XKR6: variants seen among roughly 807,000 people sequenced by gnomAD.
XKR6 encodes the protein XK related 6, also known as XK-related protein 6.
A neutral mutation model predicts 56.7 loss-of-function variants in XKR6; 22 were observed. The ratio of observed to expected loss-of-function variants is 0.39; its 90% CI spans 0.28 to 0.55. The LOEUF (loss-of-function observed/expected upper bound fraction) is 0.55, where lower values mean the gene tolerates loss of function less well. Among genes scored for constraint, XKR6 ranks in the 20% least tolerant of loss-of-function variants. The pLI, the probability that XKR6 is intolerant of heterozygous loss-of-function variation, is 0.66. For missense variants in XKR6, 852 were observed against 889.0 expected (o/e 0.96, Z 0.53); for synonymous variants, 524 against 387.8 (o/e 1.35, Z -4.13).
chr8:11,145,305 T>A (rs907784464), intron 1 of XKR6, among the ~76,000 whole-genome samples: 64 of 152,208 alleles, frequency 4.2e-4, no homozygotes, highest in African/African-American at 1.4e-3. Flanking sequence ...ATGTTTCAGA[T>A]AAGGAGGACT....
intron 1 of XKR6, 78 bp from the exon 2 acceptor site, chr8:10,924,908 A>T (rs1800834804): frequency 6.9e-7 from 1 of 1,457,358 alleles, no homozygotes; most frequent in Non-Finnish European, 9.3e-7. Context: ...ATCCCCCTAA[A>T]ACCAAGAGAC....
intron 1 of XKR6, among the ~76,000 whole-genome samples, chr8:11,056,992 C>A (rs1169959893): frequency 6.6e-6 from 1 of 152,228 alleles, no homozygotes; most frequent in African/African-American, 2.4e-5. Context: ...CAGCCCACGT[C>A]TGACGCCTTG....
chr8:10,900,473 G>A (rs1400647154), intron 2 of XKR6, among the ~76,000 whole-genome samples: 2 of 152,200 alleles, frequency 1.3e-5, no homozygotes, highest in African/African-American at 4.8e-5. Context: ...CTAGCTTGCA[G>A]AACAGTATGG....
At chr8:11,126,430 T>G (rs564957084) in intron 1 of XKR6, among the ~76,000 whole-genome samples, 1 of 152,326 alleles carries the variant, frequency 6.6e-6, no homozygotes, top group Non-Finnish European at 1.5e-5. Flanking sequence ...CATTTTATCT[T>G]GTTTTTGGCC....
At chr8:10,899,141 C>T (rs1482474069) in intron 2 of XKR6, among the ~76,000 whole-genome samples, 1 of 152,210 alleles carries the variant, frequency 6.6e-6, no homozygotes, top group Non-Finnish European at 1.5e-5. Context: ...ATTTTGGGAG[C>T]TCAGTAGCTC....
At chr8:10,966,211 A>C (rs544551717) in intron 1 of XKR6, among the ~76,000 whole-genome samples, 1 of 152,282 alleles carries the variant, frequency 6.6e-6, no homozygotes, top group South Asian at 2.1e-4. Flanking sequence ...CTCATTCAGT[A>C]TGTCGAGGGT....
chr8:11,100,490 T>C (rs57844839), intron 1 of XKR6, among the ~76,000 whole-genome samples: 3,238 of 152,348 alleles, frequency 0.021, 111 homozygotes, highest in African/African-American at 0.074. Flanking sequence ...CTACAAACTA[T>C]CGTGAGATCT....
intron 1 of XKR6, among the ~76,000 whole-genome samples, chr8:11,078,867 C>A (rs1016988289): frequency 1.3e-5 from 2 of 152,176 alleles, no homozygotes; most frequent in African/African-American, 4.8e-5. Flanking sequence ...CAAGGCCTCC[C>A]AAGGGGGGCC....
intron 1 of XKR6, among the ~76,000 whole-genome samples, chr8:11,147,481 C>A (rs1421832815): frequency 6.6e-6 from 1 of 151,822 alleles, no homozygotes; most frequent in Non-Finnish European, 1.5e-5. Flanking sequence ...CATGGTGAAA[C>A]CCCATCTCTA....
At chr8:11,066,489 G>C (rs1202202855) in intron 1 of XKR6, among the ~76,000 whole-genome samples, 1 of 152,160 alleles carries the variant, frequency 6.6e-6, no homozygotes, top group African/African-American at 2.4e-5. Context: ...GCACCTTTGT[G>C]GATGTGGCTT....
At chr8:11,053,863 T>C (rs1033998907) in intron 1 of XKR6, among the ~76,000 whole-genome samples, 1 of 152,190 alleles carries the variant, frequency 6.6e-6, no homozygotes, top group African/African-American at 2.4e-5. Context: ...ATTACCTAGG[T>C]CTTTCCGCAC....
intron 1 of XKR6, among the ~76,000 whole-genome samples, chr8:11,099,768 G>T (rs915573716): frequency 3.3e-5 from 5 of 152,194 alleles, no homozygotes; most frequent in African/African-American, 1.2e-4. Context: ...CATATATTTA[G>T]CGGAGGAGAC....
At chr8:11,073,450 A>C (rs1800186281) in intron 1 of XKR6, among the ~76,000 whole-genome samples, 1 of 152,228 alleles carries the variant, frequency 6.6e-6, no homozygotes, top group African/African-American at 2.4e-5. Flanking sequence ...AGGCAGAGTG[A>C]GACATGCCTA....
chr8:10,896,083 T>TTATATATATATA lies in XKR6; in HGVS notation c.*1857_*1868dup, dbSNP rs35728440. The TTATATATATATA allele has an allele frequency of 7.1e-6, 1 of 141,188 alleles. No individual in the cohort carries two copies. The highest frequency in any genetic ancestry group is 2.1e-4 in the East Asian group (1 of 4,842). The allele number at this position is 141,188 out of a possible 1,614,324, so 8.7% of individuals were successfully genotyped here. A position where few individuals can be genotyped will look rare whatever the true frequency, so the allele number is the denominator to read the frequency against. ...ATTTACTTAAAAATATTGTGTGTGTTTATATATATATATATATATATACTT... is the reference window on the plus strand; with the variant it reads ...ATTTACTTAAAAATATTGTGTGTGTTTATATATATATATATATATATATATATATATATACTT... On this transcript the variant is annotated 3_prime_UTR_variant, in exon 3 of 3. Transcript: ENST00000416569.
intron 1 of XKR6, among the ~76,000 whole-genome samples, chr8:10,932,538 T>A (rs1801085328): frequency 7.1e-6 from 1 of 140,724 alleles, no homozygotes; most frequent in South Asian, 2.4e-4. Flanking sequence ...ACTCGTCATC[T>A]AGCCTTAGGT....
At chr8:10,995,413 T>C (rs1798087368) in intron 1 of XKR6, among the ~76,000 whole-genome samples, 1 of 147,916 alleles carries the variant, frequency 6.8e-6, no homozygotes. Context: ...ATATATCTAC[T>C]ATATTTACTA....
intron 1 of XKR6, among the ~76,000 whole-genome samples, chr8:10,935,952 C>G: frequency 6.8e-6 from 1 of 146,858 alleles, no homozygotes; most frequent in Admixed American, 6.8e-5. Flanking sequence ...TCCTGGGTAT[C>G]CTTGTTGACT....
chr8:11,079,888 A>T (rs1797659484), intron 1 of XKR6, among the ~76,000 whole-genome samples: 1 of 152,086 alleles, frequency 6.6e-6, no homozygotes, highest in Non-Finnish European at 1.5e-5. Flanking sequence ...GATCACTTGA[A>T]CCCAGGAGTT....
intron 1 of XKR6, among the ~76,000 whole-genome samples, chr8:11,121,774 T>C (rs1160782640): frequency 6.6e-6 from 1 of 152,178 alleles, no homozygotes; most frequent in Admixed American, 6.5e-5. Context: ...AGCAAAGACT[T>C]GGAACCAACC....
Sources: gnomAD v4.1 joint callset for allele counts (sites outside exome capture counted in the v4.1 genomes callset) on GRCh38, gnomAD v4.1.1 for gene constraint, MANE v1.5 for transcripts, NCBI Gene and HGNC (gene_info 2026-07-23, HGNC 2026-07-21) for gene names.